Variants in XPR1 observed in about 807,000 individuals in gnomAD.
XPR1 encodes the protein solute carrier family 53 member 1.
Under a neutral mutation model 87.5 loss-of-function variants are expected in XPR1, and 28 were observed. The ratio of observed to expected loss-of-function variants is 0.32; its 90% CI spans 0.24 to 0.44. The LOEUF (loss-of-function observed/expected upper bound fraction) is 0.44. Among genes scored for constraint, XPR1 ranks in the 20% least tolerant of loss-of-function variants. The pLI is 1.00. For synonymous variants in XPR1, 300 were observed against 306.1 expected (o/e 0.98, Z 0.21); for missense variants, 559 against 862.3 (o/e 0.65, Z 4.41).
At chr1:180,688,095 G>T (rs1656851472) in intron 2 of XPR1, among the ~76,000 whole-genome samples, 1 of 144,736 alleles carries the variant, frequency 6.9e-6, no homozygotes, top group Non-Finnish European at 1.5e-5. Flanking sequence ...CTCTCTCCCA[G>T]GCTGGAGTGC....
rs1469119100 is a variant in XPR1, at chr1:180,711,164, A to G, written c.121+28753A>G. ...GGGGCAGAGGCGCTCCCCACATCTC[A>G]GACGATGGGCGGCCAGGCAGAGACG... On this transcript the variant is annotated intron_variant, in intron 2 of 14. Transcript: ENST00000367590. 4.0e-5 allele frequency among the ~76,000 whole-genome samples: 6 copies of G among 150,712 alleles called. No individual in the cohort carries two copies. In the East Asian group the frequency reaches 7.9e-4, roughly 20 times the overall value.
chr1:180,675,354 C>T lies in XPR1; in HGVS notation c.70-7006C>T, dbSNP rs112741654. ...TGTATTAGTCTCTTGCTCAGTAAAG[C>T]AGCACTTTACATAAGATAAGGATAA... On this transcript the variant is annotated intron_variant, in intron 1 of 14. Coordinates refer to ENST00000367590, the MANE Select transcript of XPR1 (RefSeq NM_004736.4). 1.6e-3 allele frequency among the ~76,000 whole-genome samples: 247 copies of T among 152,232 alleles called. 1 individual carries two copies. Among genetic ancestry groups the T allele is most frequent in the African/African-American group, 5.6e-3 (232 of 41,536 alleles).
At position 180,656,404 on chromosome 1, in the gene XPR1, T is replaced by TA. The variant is rs1655480390; in HGVS notation, c.69+24134_69+24135insA. On this transcript the variant is annotated intron_variant, in intron 1 of 14. Transcript: ENST00000367590. ...ATATTCATGTATTTATATATAAATA[T>TA]TTATATATTTATATATAAATATTTA... 3.8e-4 allele frequency among the ~76,000 whole-genome samples: 18 copies of TA among 47,092 alleles called. 1 individual carries two copies. The highest frequency in any genetic ancestry group is 6.8e-4 in the African/African-American group (6 of 8,766). 30.9% of individuals were successfully genotyped at this position (47,092 alleles called of 152,430 possible).
At chr1:180,692,738 C>A (rs1027741163) in intron 2 of XPR1, among the ~76,000 whole-genome samples, 2 of 152,002 alleles carry the variant, frequency 1.3e-5, no homozygotes, top group African/African-American at 4.8e-5. Context: ...ACTTCTTTTT[C>A]ACAGAAAGAG....
intron 2 of XPR1, among the ~76,000 whole-genome samples, chr1:180,764,999 A>G (rs997352271): frequency 2.0e-5 from 3 of 148,810 alleles, no homozygotes; most frequent in African/African-American, 7.5e-5. Flanking sequence ...TTTAGCCAGG[A>G]TGGTCTCGAT....
chr1:180,784,999 GTGTGTGTGTGTT>G (rs1649081672), intron 2 of XPR1, among the ~76,000 whole-genome samples: 1 of 119,860 alleles, frequency 8.3e-6, no homozygotes, highest in South Asian at 3.0e-4. Context: ...AGTTTTTTTC[GTGTGTGTGTGTT>G]TGTGTGTGTG....
intron 7 of XPR1, among the ~76,000 whole-genome samples, chr1:180,811,745 G>A (rs1311205682): frequency 6.6e-6 from 1 of 151,864 alleles, no homozygotes; most frequent in Non-Finnish European, 1.5e-5. Flanking sequence ...TCCAGTTTCT[G>A]TATATAACTT....
intron 1 of XPR1, among the ~76,000 whole-genome samples, chr1:180,676,651 G>C (rs1267285477): frequency 6.6e-6 from 1 of 152,054 alleles, no homozygotes; most frequent in East Asian, 1.9e-4. Context: ...AGCTCTTCTT[G>C]ACTAACTTCT....
chr1:180,635,189 G>T (rs1325041667), intron 1 of XPR1, among the ~76,000 whole-genome samples: 2 of 152,062 alleles, frequency 1.3e-5, no homozygotes, highest in Non-Finnish European at 2.9e-5. Context: ...GCCATATAAA[G>T]AAAATCTCTT....
chr1:180,747,791 T>C (rs779016256), intron 2 of XPR1, among the ~76,000 whole-genome samples: 26 of 150,820 alleles, frequency 1.7e-4, no homozygotes, highest in Non-Finnish European at 2.5e-4. Context: ...GCCAGTCAGT[T>C]TCTCAATTGC....
At chr1:180,696,168 G>A (rs1241899623) in intron 2 of XPR1, among the ~76,000 whole-genome samples, 3 of 75,344 alleles carry the variant, frequency 4.0e-5, no homozygotes, top group East Asian at 3.6e-4. Context: ...ATTCCTGGGT[G>A]TGTGTGTGTG....
intron 1 of XPR1, among the ~76,000 whole-genome samples, chr1:180,649,989 G>T (rs1015066323): frequency 8.6e-5 from 13 of 151,982 alleles, no homozygotes; most frequent in Admixed American, 7.9e-4. Flanking sequence ...CTTCCTGTTG[G>T]TATCCCTTTT....
intron 2 of XPR1, among the ~76,000 whole-genome samples, chr1:180,690,861 A>C (rs1328042890): frequency 6.6e-6 from 1 of 151,524 alleles, no homozygotes; most frequent in Non-Finnish European, 1.5e-5. Context: ...AATTCCTTGA[A>C]GCCAATGTAC....
At chr1:180,712,460 T>C in intron 2 of XPR1, among the ~76,000 whole-genome samples, 1 of 152,206 alleles carries the variant, frequency 6.6e-6, no homozygotes, top group East Asian at 1.9e-4. Context: ...CTGTTGACAA[T>C]GGTAACCGAA....
chr1:180,769,900 T>A (rs1648444750), intron 2 of XPR1, among the ~76,000 whole-genome samples: 1 of 152,240 alleles, frequency 6.6e-6, no homozygotes, highest in Non-Finnish European at 1.5e-5. Flanking sequence ...ATCAACAGTG[T>A]ATGAGGGTTC....
intron 1 of XPR1, among the ~76,000 whole-genome samples, chr1:180,656,201 T>A (rs1412459451): frequency 6.7e-6 from 1 of 148,152 alleles, no homozygotes; most frequent in East Asian, 2.0e-4. Context: ...AGATGCAAAG[T>A]TTGTCTTTCT....
chr1:180,647,726 C>A (rs1275269535), intron 1 of XPR1, among the ~76,000 whole-genome samples: 1 of 151,822 alleles, frequency 6.6e-6, no homozygotes, highest in East Asian at 1.9e-4. Flanking sequence ...ATGGTGAAAC[C>A]CCATCTCTAC....
chr1:180,882,016 C>T (rs1265419185), intron 14 of XPR1, among the ~76,000 whole-genome samples: 1 of 152,140 alleles, frequency 6.6e-6, no homozygotes, highest in East Asian at 1.9e-4. Context: ...AGATAAGTGC[C>T]ACAAAGGGCT....
intron 7 of XPR1, among the ~76,000 whole-genome samples, chr1:180,814,222 G>A (rs939134580): frequency 6.6e-6 from 1 of 152,106 alleles, no homozygotes; most frequent in African/African-American, 2.4e-5. Flanking sequence ...GTTTTCATTT[G>A]TATTGTTAGA....
Sources: allele counts gnomAD v4.1 joint callset (sites outside exome capture counted in the v4.1 genomes callset), GRCh38; gene constraint gnomAD v4.1.1; transcripts MANE v1.5; gene names NCBI Gene and HGNC (gene_info 2026-07-23, HGNC 2026-07-21).